The following SIMC1 variants were observed in gnomAD, a reference collection of about 807,000 sequenced individuals.
SIMC1 encodes SUMO interacting motifs containing 1.
In SIMC1, 55 loss-of-function variants were observed where a neutral mutation model predicts 82.3. The ratio of observed to expected loss-of-function variants is 0.67; its 90% CI spans 0.54 to 0.84. The LOEUF is 0.84. Among genes scored for constraint, SIMC1 ranks in the 40% least tolerant of loss-of-function variants. The pLI is 0.00. For synonymous variants in SIMC1, 353 were observed against 426.3 expected (o/e 0.83, Z 2.12); for missense variants, 915 against 1,107.2 (o/e 0.83, Z 2.46).
intron 1 of SIMC1, among the ~76,000 whole-genome samples, chr5:176,264,465 A>G (rs1561677876): frequency 6.6e-6 from 1 of 152,204 alleles, no homozygotes; most frequent in Non-Finnish European, 1.5e-5. Flanking sequence ...ACCACATGGA[A>G]GCTGCCAGGG....
intron 2 of SIMC1, among the ~76,000 whole-genome samples, chr5:176,292,188 TG>T (rs1561700633): frequency 6.6e-6 from 1 of 152,224 alleles, no homozygotes; most frequent in African/African-American, 2.4e-5. Context: ...TTGCTGACTT[TG>T]GGGGAGGAAA....
rs534427549 is a variant in SIMC1, at chr5:176,295,172, T to A, written c.1574T>A (p.Val525Glu). Residue 525 changes from valine (V) to glutamate (E), a missense_variant, in exon 3 of 10, where the codon GTG becomes GAG. This residue lies in a region of SIMC1 where 902 missense variants were observed against 1,040.3 expected (regional missense o/e 0.87). Transcript: ENST00000429602. ...CAGCATTACCCACCAAGAGAAATCG[T>A]GGCTCACATCATCCAGAAAATCTTG... ...SPQHYPPREIVAHIIQKILLS... is the reference protein window; with the variant it reads ...SPQHYPPREIEAHIIQKILLS... 3.1e-5 allele frequency: 50 copies of A among 1,613,382 alleles called. No homozygotes were observed. The South Asian group carries it at 5.4e-4, about 17-fold the overall frequency.
Position 176,313,709 on chromosome 5 carries a change from C to A in SIMC1, c.1753C>A (p.Arg585=). ...MEEEGQTLPG[R]VLFLRYVVQT... ...CCCACAGGGACAAACTCTGCCTGGG[C>A]GAGTCCTTTTCCTGCGTTATGTCGT... The change falls in exon 5 of 10, where the codon CGA becomes AGA. Residue 585 remains arginine (R), a synonymous_variant. Transcript: ENST00000429602. 1 of 1,613,862 alleles carries A rather than the reference C, an allele frequency of 6.2e-7. No individual in the cohort carries two copies. Among genetic ancestry groups the A allele is most frequent in the African/African-American group, 1.3e-5 (1 of 75,012 alleles).
At chr5:176,252,578 G>T (rs1349514298) in intron 1 of SIMC1, among the ~76,000 whole-genome samples, 1 of 151,466 alleles carries the variant, frequency 6.6e-6, no homozygotes, top group Non-Finnish European at 1.5e-5. Context: ...TTCCTAGATG[G>T]GATGGCAGCC....
chr5:176,306,794 T>C (rs1214339241), intron 4 of SIMC1, among the ~76,000 whole-genome samples: 1 of 151,512 alleles, frequency 6.6e-6, no homozygotes, highest in African/African-American at 2.4e-5. Flanking sequence ...CAGGGTCCTC[T>C]GCCTAGGAAA....
At chr5:176,307,918 C>T in intron 4 of SIMC1, 1 of 532,144 alleles carries the variant, frequency 1.9e-6, no homozygotes, top group South Asian at 2.2e-5. Context: ...GAAAACCTGT[C>T]AGCCAAAGAC....
intron 4 of SIMC1, among the ~76,000 whole-genome samples, chr5:176,304,870 T>A (rs374266918): frequency 6.8e-6 from 1 of 146,552 alleles, no homozygotes; most frequent in African/African-American, 2.5e-5. Context: ...CGCCTCTGCC[T>A]GGCCGAGACC....
intron 4 of SIMC1, among the ~76,000 whole-genome samples, chr5:176,311,394 C>T (rs769239850): frequency 7.9e-5 from 12 of 151,992 alleles, no homozygotes; most frequent in South Asian, 2.1e-4. Context: ...CATGCTATCA[C>T]GCCTGGATAA....
chr5:176,250,606 G>A (rs1310460866), intron 1 of SIMC1, among the ~76,000 whole-genome samples: 2 of 152,152 alleles, frequency 1.3e-5, no homozygotes, highest in African/African-American at 4.8e-5. Context: ...AAGTCTCTTT[G>A]TAGGTCTGTA....
chr5:176,306,474 G>A (rs1487843228), intron 4 of SIMC1, among the ~76,000 whole-genome samples: 5 of 141,982 alleles, frequency 3.5e-5, no homozygotes, highest in Admixed American at 2.1e-4. Context: ...ATAGAAAGGC[G>A]GGAAAGGTGG....
intron 4 of SIMC1, among the ~76,000 whole-genome samples, chr5:176,296,879 A>G (rs1406106122): frequency 1.3e-5 from 2 of 152,202 alleles, no homozygotes; most frequent in Admixed American, 1.3e-4. Context: ...CATGGCTATG[A>G]AAAAAGGGGA....
chr5:176,262,157 T>G (rs1375876025), intron 1 of SIMC1, among the ~76,000 whole-genome samples: 1 of 151,434 alleles, frequency 6.6e-6, no homozygotes, highest in Non-Finnish European at 1.5e-5. Flanking sequence ...GCAAGGTCAA[T>G]TCTACATTTG....
intron 1 of SIMC1, among the ~76,000 whole-genome samples, chr5:176,256,575 A>AT (rs1761857438): frequency 6.6e-6 from 1 of 152,184 alleles, no homozygotes; most frequent in Admixed American, 6.5e-5. Context: ...ACTTGCTGTC[A>AT]TTTTAAAAAC....
chr5:176,275,135 A>G (rs573005805), intron 1 of SIMC1, among the ~76,000 whole-genome samples: 1 of 151,340 alleles, frequency 6.6e-6, no homozygotes, highest in Admixed American at 6.6e-5. Flanking sequence ...ATTTGTTTGT[A>G]TCCTCTTTTA....
At chr5:176,320,298 A>G (rs1370861188) in intron 5 of SIMC1, among the ~76,000 whole-genome samples, 1 of 152,120 alleles carries the variant, frequency 6.6e-6, no homozygotes, top group Non-Finnish European at 1.5e-5. Context: ...CTAGAGGTCT[A>G]AAAATTTATT....
intron 1 of SIMC1, among the ~76,000 whole-genome samples, chr5:176,279,947 T>C (rs1392058779): frequency 6.6e-6 from 1 of 152,110 alleles, no homozygotes; most frequent in Non-Finnish European, 1.5e-5. Context: ...AAATGTATAT[T>C]CTGTTGATTT....
intron 1 of SIMC1, among the ~76,000 whole-genome samples, chr5:176,282,665 C>T (rs1430299346): frequency 3.3e-5 from 5 of 152,234 alleles, no homozygotes; most frequent in Admixed American, 3.3e-4. Context: ...CAGAGCAAAG[C>T]TGGACAGAGA....
intron 4 of SIMC1, among the ~76,000 whole-genome samples, chr5:176,305,136 A>AGCAGG (rs1428016379): frequency 3.1e-5 from 1 of 32,674 alleles, no homozygotes; most frequent in South Asian, 1.3e-3. Context: ...GCCATCCAGG[A>AGCAGG]GGGGGGGGGG....
chr5:176,263,389 G>T (rs1762080356), intron 1 of SIMC1: 1 of 1,513,080 alleles, frequency 6.6e-7, no homozygotes, highest in African/African-American at 1.4e-5. Context: ...ATAAAGAAAA[G>T]AGGTTTATTT....
Sources: allele counts gnomAD v4.1 joint callset (sites outside exome capture counted in the v4.1 genomes callset), GRCh38; gene constraint gnomAD v4.1.1; regional missense constraint gnomAD v4.1.1; transcripts MANE v1.5; gene names NCBI Gene and HGNC (gene_info 2026-07-23, HGNC 2026-07-21).